The following GLRA3 variants were observed in gnomAD, a reference collection of about 807,000 sequenced individuals.
GLRA3 encodes the protein glycine receptor alpha 3.
In GLRA3, 44 loss-of-function variants were observed where a neutral mutation model predicts 60.4. The ratio of observed to expected loss-of-function variants is 0.73; its 90% CI spans 0.57 to 0.94. The LOEUF is 0.94. Among genes scored for constraint, GLRA3 ranks in the 40% least tolerant of loss-of-function variants. The probability of loss-of-function intolerance (pLI) is 0.00; values close to 1 mark genes in which losing one functional copy is unlikely to be tolerated. For missense variants in GLRA3, 508 were observed against 564.6 expected (o/e 0.90, Z 1.02); for synonymous variants, 223 against 192.9 (o/e 1.16, Z -1.29).
At chr4:174,813,676 C>T (rs1426161636) in intron 1 of GLRA3, among the ~76,000 whole-genome samples, 1 of 152,132 alleles carries the variant, frequency 6.6e-6, no homozygotes, top group Non-Finnish European at 1.5e-5. Flanking sequence ...CTAATATATT[C>T]TGCCTCTATT....
chr4:174,721,705 C>G (rs995459312), intron 4 of GLRA3, among the ~76,000 whole-genome samples: 5 of 149,170 alleles, frequency 3.4e-5, no homozygotes, highest in African/African-American at 7.4e-5. Context: ...ACATATATAT[C>G]TATATATCTA....
At chr4:174,816,294 CTG>C (rs1740497907) in intron 1 of GLRA3, among the ~76,000 whole-genome samples, 1 of 152,158 alleles carries the variant, frequency 6.6e-6, no homozygotes, top group South Asian at 2.1e-4. Flanking sequence ...TCAGGGATCT[CTG>C]TGAGTCACCA....
intron 3 of GLRA3, among the ~76,000 whole-genome samples, chr4:174,736,497 C>A (rs1736795063): frequency 6.6e-6 from 1 of 152,094 alleles, no homozygotes; most frequent in Admixed American, 6.6e-5. Context: ...TAGTCTCTGG[C>A]AAGCACTCAT....
rs749999507 is a variant in GLRA3, at chr4:174,788,859, G to A, written c.156C>T (p.Gly52=). ...SPSDFLDKLM[G]RTSGYDARIR... ...TTCTTGCATCATATCCTGATGTCCT[G>A]CCCATTAATTTATCCAGAAAATCAG... The change falls in exon 2 of 10, where the codon GGC becomes GGT. Residue 52 remains glycine, a synonymous_variant. Transcript: ENST00000274093. 8 of 1,607,488 alleles carry A rather than the reference G, an allele frequency of 5.0e-6. No individual in the cohort carries two copies. The highest frequency in any genetic ancestry group is 6.0e-6 in the Non-Finnish European group (7 of 1,175,132).
At chr4:174,720,802 C>CTA in intron 4 of GLRA3, among the ~76,000 whole-genome samples, 1 of 152,068 alleles carries the variant, frequency 6.6e-6, no homozygotes, top group East Asian at 1.9e-4. Context: ...GAAACAAACT[C>CTA]TAGTTTTCCT....
intron 5 of GLRA3, among the ~76,000 whole-genome samples, chr4:174,707,624 T>C (rs749689749): frequency 9.2e-5 from 14 of 152,204 alleles, no homozygotes; most frequent in Non-Finnish European, 1.8e-4. Flanking sequence ...TCTAAGTCTT[T>C]TCATATGAGA....
chr4:174,695,121 G>A (rs1240585506), intron 5 of GLRA3, among the ~76,000 whole-genome samples: 2 of 151,878 alleles, frequency 1.3e-5, no homozygotes, highest in African/African-American at 4.8e-5. Context: ...GGAGCTGAAA[G>A]ATTCACAGAA....
intron 4 of GLRA3, among the ~76,000 whole-genome samples, chr4:174,724,073 T>C (rs1007968037): frequency 4.0e-5 from 6 of 151,098 alleles, no homozygotes; most frequent in Non-Finnish European, 7.4e-5. Context: ...TATATATATA[T>C]GTATATATAT....
At chr4:174,761,359 A>G (rs1737938622) in intron 3 of GLRA3, among the ~76,000 whole-genome samples, 2 of 152,164 alleles carry the variant, frequency 1.3e-5, no homozygotes, top group Non-Finnish European at 2.9e-5. Context: ...TGTTGCAAGT[A>G]AAATGTGAGC....
chr4:174,691,386 C>G (rs1734791166), intron 5 of GLRA3, among the ~76,000 whole-genome samples: 1 of 152,082 alleles, frequency 6.6e-6, no homozygotes, highest in African/African-American at 2.4e-5. Flanking sequence ...TCTCCCCTCT[C>G]TCTCCCCACG....
intron 2 of GLRA3, among the ~76,000 whole-genome samples, chr4:174,773,152 T>C (rs552345446): frequency 6.6e-6 from 1 of 152,336 alleles, no homozygotes; most frequent in South Asian, 2.1e-4. Flanking sequence ...AAAGCTGTTA[T>C]ATCTATCCAA....
chr4:174,685,287 G>A (rs960469101), intron 5 of GLRA3, among the ~76,000 whole-genome samples: 1 of 152,116 alleles, frequency 6.6e-6, no homozygotes, highest in African/African-American at 2.4e-5. Flanking sequence ...GGTAGTGACT[G>A]GAGCCAGATG....
rs968094936 is a variant in GLRA3 at position 174,828,898 on chromosome 4, C to T, written c.-87G>A. The T allele has an allele frequency of 2.2e-6, 2 of 925,688 alleles. No individual in the cohort carries two copies. Among genetic ancestry groups the T allele is most frequent in the African/African-American group, 1.6e-5 (1 of 62,096 alleles). The allele number at this position is 925,688 out of a possible 1,614,324, so 57.3% of individuals were successfully genotyped here. A position where few individuals can be genotyped will look rare whatever the true frequency, so the allele number is the denominator to read the frequency against. On this transcript the variant is annotated 5_prime_UTR_variant, in exon 1 of 10. Transcript: ENST00000274093. ...GACAGAATGAAAATGTACAATCTAACCCCGCATGGTGTTGGTGTAGACTGA... is the reference window on the plus strand; with the variant it reads ...GACAGAATGAAAATGTACAATCTAATCCCGCATGGTGTTGGTGTAGACTGA...
chr4:174,822,637 C>T (rs1184074435), intron 1 of GLRA3, among the ~76,000 whole-genome samples: 1 of 152,044 alleles, frequency 6.6e-6, no homozygotes, highest in Non-Finnish European at 1.5e-5. Flanking sequence ...ATTGTAAGCC[C>T]AATCATTCTA....
At chr4:174,822,300 G>A (rs1740771007) in intron 1 of GLRA3, among the ~76,000 whole-genome samples, 1 of 152,144 alleles carries the variant, frequency 6.6e-6, no homozygotes, top group South Asian at 2.1e-4. Flanking sequence ...CATGCATGGA[G>A]CACCTCCATG....
At chr4:174,723,344 C>T (rs1034496959) in intron 4 of GLRA3, among the ~76,000 whole-genome samples, 2 of 152,020 alleles carry the variant, frequency 1.3e-5, no homozygotes, top group African/African-American at 2.4e-5. Context: ...GCGCTTTTGT[C>T]TTTGATGACA....
At chr4:174,755,759 T>TGTTCTGC (rs1737668272) in intron 3 of GLRA3, among the ~76,000 whole-genome samples, 1 of 152,042 alleles carries the variant, frequency 6.6e-6, no homozygotes, top group South Asian at 2.1e-4. Flanking sequence ...ATATACAGTA[T>TGTTCTGC]AGTAATTTCT....
At chr4:174,782,603 A>G (rs1738929927) in intron 2 of GLRA3, among the ~76,000 whole-genome samples, 1 of 152,142 alleles carries the variant, frequency 6.6e-6, no homozygotes, top group African/African-American at 2.4e-5. Context: ...TTAAGCTGAT[A>G]AGCAACTTCA....
intron 1 of GLRA3, among the ~76,000 whole-genome samples, chr4:174,802,238 C>A (rs975136992): frequency 6.6e-6 from 1 of 151,858 alleles, no homozygotes; most frequent in Non-Finnish European, 1.5e-5. Context: ...CCAATTTTCC[C>A]ATAGAGCTGA....
Sources: gnomAD v4.1 joint callset for allele counts (sites outside exome capture counted in the v4.1 genomes callset) on GRCh38, gnomAD v4.1.1 for gene constraint, MANE v1.5 for transcripts, NCBI Gene and HGNC (gene_info 2026-07-23, HGNC 2026-07-21) for gene names.